Variants in SULF1 observed in about 807,000 individuals in gnomAD.
SULF1 encodes extracellular sulfatase Sulf-1.
SULF1 carries 46 observed loss-of-function variants against 110.5 expected under a neutral mutation model. The ratio of observed to expected loss-of-function variants is 0.42; its 90% CI spans 0.33 to 0.53. The LOEUF (loss-of-function observed/expected upper bound fraction) is 0.53, where lower values mean the gene tolerates loss of function less well. Among genes scored for constraint, SULF1 ranks in the 20% least tolerant of loss-of-function variants. The pLI, the probability that SULF1 is intolerant of heterozygous loss-of-function variation, is 0.12. For missense variants in SULF1, 941 were observed against 1,094.2 expected (o/e 0.86, Z 1.98); for synonymous variants, 371 against 387.1 (o/e 0.96, Z 0.49).
chr8:69,538,346 C>A (rs1813605848), intron 3 of SULF1, among the ~76,000 whole-genome samples: 1 of 145,046 alleles, frequency 6.9e-6, no homozygotes, highest in African/African-American at 2.6e-5. Flanking sequence ...TATGCAATGC[C>A]ATGAACATTA....
intron 22 of SULF1, among the ~76,000 whole-genome samples, chr8:69,651,781 G>A (rs1812362663): frequency 6.6e-6 from 1 of 151,968 alleles, no homozygotes; most frequent in African/African-American, 2.4e-5. Flanking sequence ...TAAGATTTTT[G>A]TATCATATTT....
intron 15 of SULF1, among the ~76,000 whole-genome samples, chr8:69,626,540 G>T (rs916703938): frequency 1.3e-5 from 2 of 152,226 alleles, no homozygotes; most frequent in African/African-American, 2.4e-5. Context: ...AGGGGGTGGT[G>T]CTCGTCGGGG....
chr8:69,625,717 C>T (rs1809953842), intron 15 of SULF1, among the ~76,000 whole-genome samples: 1 of 152,136 alleles, frequency 6.6e-6, no homozygotes, highest in Non-Finnish European at 1.5e-5. Context: ...CGGCGTGGAC[C>T]CAAAGAGTGA....
Position 69,571,243 on chromosome 8 carries a change from G to T in SULF1, c.173-4727G>T, listed in dbSNP as rs538203945. Among the ~76,000 whole-genome samples the T allele has an allele frequency of 6.6e-5, 10 of 152,300 alleles. No individual in the cohort carries two copies. The South Asian group carries it at 8.3e-4, about 13-fold the overall frequency. On this transcript the variant is annotated intron_variant, in intron 5 of 22. Coordinates refer to ENST00000402687, the MANE Select transcript of SULF1 (RefSeq NM_001128205.2). ...GAAAATTTAATGTGATGGGGTTGAG[G>T]TGAGCACATAGGGCAACCACAGCCA...
intron 13 of SULF1, among the ~76,000 whole-genome samples, chr8:69,607,765 T>C (rs1177407999): frequency 6.6e-6 from 1 of 152,184 alleles, no homozygotes; most frequent in African/African-American, 2.4e-5. Flanking sequence ...TCCCTGACTT[T>C]AAAAAAGGAA....
chr8:69,634,458 G>A (rs1438651238), intron 19 of SULF1, among the ~76,000 whole-genome samples: 1 of 152,146 alleles, frequency 6.6e-6, no homozygotes, highest in Non-Finnish European at 1.5e-5. Flanking sequence ...GGTCAGAAAG[G>A]ATATGAAAAG....
chr8:69,600,771 C>T lies in SULF1; in HGVS notation c.885+18C>T, dbSNP rs751737837. 16 of 1,606,758 alleles carry T rather than the reference C, an allele frequency of 1.0e-5. No homozygotes were observed. Among genetic ancestry groups the T allele is most frequent in the Non-Finnish European group, 1.3e-5 (15 of 1,176,472 alleles). ...TGGAGAGGGTAAGCACATGAACCTA[C>T]CTCAGTGATAGTTTTTGGCCCAGCT... On this transcript the variant is annotated intron_variant, in intron 9 of 22. Transcript: ENST00000402687.
At chr8:69,535,813 C>G (rs927899445) in intron 3 of SULF1, among the ~76,000 whole-genome samples, 1 of 152,038 alleles carries the variant, frequency 6.6e-6, no homozygotes, top group South Asian at 2.1e-4. Flanking sequence ...GGGCAGATCA[C>G]CAGGTCAGGA....
At chr8:69,647,345 A>G (rs1370505835) in intron 22 of SULF1, among the ~76,000 whole-genome samples, 1 of 152,168 alleles carries the variant, frequency 6.6e-6, no homozygotes, top group Non-Finnish European at 1.5e-5. Context: ...AGTTATGTGC[A>G]TTTACCAATA....
chr8:69,489,048 T>C (rs1480179859), upstream of SULF1, among the ~76,000 whole-genome samples: 3 of 152,090 alleles, frequency 2.0e-5, no homozygotes, highest in Non-Finnish European at 2.9e-5. Context: ...GGAGGGGACA[T>C]ATCTATGAAA....
chr8:69,648,913 C>G (rs2130722874), intron 22 of SULF1, among the ~76,000 whole-genome samples: 1 of 152,308 alleles, frequency 6.6e-6, no homozygotes, highest in East Asian at 1.9e-4. Flanking sequence ...GGCTTGCGAC[C>G]TGGGTATGTT....
chr8:69,523,353 G>A (rs1812446251), intron 3 of SULF1, among the ~76,000 whole-genome samples: 1 of 152,156 alleles, frequency 6.6e-6, no homozygotes, highest in South Asian at 2.1e-4. Context: ...GAAGGTCAGG[G>A]AAGAGTATGA....
intron 7 of SULF1, 46 bp downstream of exon 7, chr8:69,586,554 A>G: frequency 6.3e-7 from 1 of 1,581,508 alleles, no homozygotes. Context: ...CTTTGTGCAT[A>G]ATGGGGAAAA....
chr8:69,632,559 A>T (rs1263492908), intron 19 of SULF1, among the ~76,000 whole-genome samples: 1 of 152,158 alleles, frequency 6.6e-6, no homozygotes, highest in African/African-American at 2.4e-5. Context: ...ACTCAATAAC[A>T]TGAAAAAAAG....
intron 13 of SULF1, among the ~76,000 whole-genome samples, chr8:69,609,485 G>T (rs996306909): frequency 1.3e-5 from 2 of 152,198 alleles, no homozygotes; most frequent in Admixed American, 6.5e-5. Flanking sequence ...TTTTAACGAG[G>T]TTAAGAATCA....
intron 22 of SULF1, among the ~76,000 whole-genome samples, chr8:69,651,662 T>C (rs1328551745): frequency 6.6e-6 from 1 of 152,192 alleles, no homozygotes; most frequent in African/African-American, 2.4e-5. Flanking sequence ...TATTGTGTAT[T>C]ATATTAATAG....
intron 3 of SULF1, among the ~76,000 whole-genome samples, chr8:69,502,845 G>A (rs941753508): frequency 2.6e-5 from 4 of 151,642 alleles, no homozygotes; most frequent in Admixed American, 6.6e-5. Flanking sequence ...CTGCCACCAC[G>A]CCCAGCTAAT....
chr8:69,632,942 C>T (rs926170755), intron 19 of SULF1, among the ~76,000 whole-genome samples: 3 of 151,218 alleles, frequency 2.0e-5, no homozygotes, highest in African/African-American at 4.9e-5. Context: ...GGGAGAATCA[C>T]TTGAGCATGG....
chr8:69,607,443 C>T (rs1040687037), intron 13 of SULF1, among the ~76,000 whole-genome samples: 7 of 152,198 alleles, frequency 4.6e-5, no homozygotes, highest in African/African-American at 1.7e-4. Context: ...TGGCCCACTG[C>T]AGCCTCGCCC....
Sources: gnomAD v4.1 joint callset for allele counts (sites outside exome capture counted in the v4.1 genomes callset) on GRCh38, gnomAD v4.1.1 for gene constraint, MANE v1.5 for transcripts, NCBI Gene and HGNC (gene_info 2026-07-23, HGNC 2026-07-21) for gene names.